The following ATG10 variants were observed in gnomAD, a reference collection of about 807,000 sequenced individuals.
ATG10 encodes the protein autophagy related 10.
ATG10 carries 30 observed loss-of-function variants against 32.1 expected under a neutral mutation model. The ratio of observed to expected loss-of-function variants is 0.94; its 90% CI spans 0.70 to 1.27. The LOEUF is 1.27. Ranked by LOEUF, ATG10 falls within the 50% of genes most tolerant of loss-of-function variation. The pLI, the probability that ATG10 is intolerant of heterozygous loss-of-function variation, is 0.00. For synonymous variants in ATG10, 87 were observed against 91.5 expected (o/e 0.95, Z 0.28); for missense variants, 233 against 262.3 (o/e 0.89, Z 0.77).
intron 3 of ATG10, among the ~76,000 whole-genome samples, chr5:82,139,568 GC>G (rs1766956898): frequency 7.0e-6 from 1 of 143,112 alleles, no homozygotes; most frequent in African/African-American, 2.6e-5. Flanking sequence ...TCTCTGCCCG[GC>G]CGCCCCGTCT....
At chr5:82,195,904 T>C (rs1453004386) in intron 5 of ATG10, among the ~76,000 whole-genome samples, 2 of 152,220 alleles carry the variant, frequency 1.3e-5, no homozygotes, top group African/African-American at 4.8e-5. Flanking sequence ...AACCTAGCAG[T>C]AGAATTTCTG....
chr5:82,009,373 T>TTA (rs781090307), intron 2 of ATG10, among the ~76,000 whole-genome samples: 1 of 151,892 alleles, frequency 6.6e-6, no homozygotes, highest in Non-Finnish European at 1.5e-5. Flanking sequence ...AAGAGTTTTC[T>TTA]TATATATATA....
chr5:82,195,122 C>T (rs1374725569), intron 5 of ATG10, among the ~76,000 whole-genome samples: 1 of 152,174 alleles, frequency 6.6e-6, no homozygotes, highest in African/African-American at 2.4e-5. Context: ...CTGCTGGTCC[C>T]ATGAACTTGG....
chr5:82,191,384 CTTTGTAAAATTCATTATA>C (rs1341023421), intron 5 of ATG10, among the ~76,000 whole-genome samples: 3 of 152,160 alleles, frequency 2.0e-5, no homozygotes, highest in Non-Finnish European at 4.4e-5. Context: ...CTGGGCTTTT[CTTTGTAAAATTCATTATA>C]TTTGCATAAA....
At position 82,014,642 on chromosome 5, in the gene ATG10, G is replaced by A. The variant is rs575272078; in HGVS notation, c.108+26964G>A. On this transcript the variant is annotated intron_variant, in intron 2 of 7. Transcript: ENST00000282185. Reference sequence around the variant, plus strand: ...TTAAAGTCTGTTTTATCCGAGACTAGGATTGCAATCCCTGCCTGTTTTTGT... The same window carrying A: ...TTAAAGTCTGTTTTATCCGAGACTAAGATTGCAATCCCTGCCTGTTTTTGT... Among the ~76,000 whole-genome samples, 5 of 152,142 alleles carry A rather than the reference G, an allele frequency of 3.3e-5. No individual in the cohort carries two copies. In the South Asian group the frequency reaches 6.2e-4, roughly 19 times the overall value.
Position 82,132,670 on chromosome 5 carries a change from T to C in ATG10, c.217-31729T>C, listed in dbSNP as rs138362415. Among the ~76,000 whole-genome samples the C allele has an allele frequency of 7.6e-3, 1,149 of 152,130 alleles. 18 individuals are homozygous for C. The highest frequency in any genetic ancestry group is 0.026 in the African/African-American group (1,071 of 41,516). On this transcript the variant is annotated intron_variant, in intron 3 of 7. Transcript: ENST00000282185. ...AGTCTATCATTGATGGGCATTTGGG[T>C]TGGTTCCAAGTCTTTGCTATTGTGA...
chr5:82,016,429 G>T (rs1003227195), intron 2 of ATG10, among the ~76,000 whole-genome samples: 1 of 152,078 alleles, frequency 6.6e-6, no homozygotes. Flanking sequence ...GTGCTGTTCT[G>T]TTGGTCTATA....
intron 1 of ATG10, among the ~76,000 whole-genome samples, chr5:81,984,254 G>A (rs538828032): frequency 3.4e-4 from 52 of 152,358 alleles, no homozygotes; most frequent in East Asian, 3.3e-3. Context: ...GCGAAACCCC[G>A]TCTCCACCAA....
intron 2 of ATG10, among the ~76,000 whole-genome samples, chr5:82,014,164 T>G (rs1762209767): frequency 6.6e-6 from 1 of 152,232 alleles, no homozygotes; most frequent in Non-Finnish European, 1.5e-5. Context: ...AATCCTGAGT[T>G]CTAGTTTGAT....
At chr5:82,026,271 T>C (rs534916243) in intron 2 of ATG10, among the ~76,000 whole-genome samples, 83 of 152,352 alleles carry the variant, frequency 5.4e-4, no homozygotes, top group African/African-American at 1.9e-3. Flanking sequence ...TCACTTAGCA[T>C]AATGCCTTCA....
intron 3 of ATG10, among the ~76,000 whole-genome samples, chr5:82,130,659 C>T (rs1766481327): frequency 6.6e-6 from 1 of 152,040 alleles, no homozygotes; most frequent in Non-Finnish European, 1.5e-5. Context: ...TTTGGCTAGC[C>T]CTCCGTGGGC....
At chr5:82,120,243 CA>C (rs1765993724) in intron 3 of ATG10, among the ~76,000 whole-genome samples, 1 of 152,074 alleles carries the variant, frequency 6.6e-6, no homozygotes, top group Non-Finnish European at 1.5e-5. Flanking sequence ...CAATTATATG[CA>C]AAATCTTGAG....
chr5:82,124,606 T>A (rs184891353), intron 3 of ATG10, among the ~76,000 whole-genome samples: 9 of 152,054 alleles, frequency 5.9e-5, no homozygotes, highest in African/African-American at 2.2e-4. Context: ...GCTTTATCCA[T>A]GTCCCTACAA....
intron 3 of ATG10, among the ~76,000 whole-genome samples, chr5:82,106,206 AAG>A (rs1303743345): frequency 1.3e-5 from 2 of 152,170 alleles, no homozygotes; most frequent in Non-Finnish European, 2.9e-5. Flanking sequence ...AAGTAAGAAA[AAG>A]AGCTATTTTT....
At chr5:82,250,679 A>G (rs551402582) in intron 5 of ATG10, among the ~76,000 whole-genome samples, 125 of 152,240 alleles carry the variant, frequency 8.2e-4, no homozygotes, top group African/African-American at 2.8e-3. Context: ...AATTATCTGG[A>G]TTATCTTATT....
chr5:82,141,697 G>A (rs563286250), intron 3 of ATG10, among the ~76,000 whole-genome samples: 11 of 152,088 alleles, frequency 7.2e-5, no homozygotes, highest in Non-Finnish European at 1.6e-4. Context: ...TTATACGTAG[G>A]ATTTAGGAAT....
At chr5:82,103,436 A>G (rs1250505431) in intron 3 of ATG10, among the ~76,000 whole-genome samples, 2 of 152,074 alleles carry the variant, frequency 1.3e-5, no homozygotes, top group South Asian at 2.1e-4. Flanking sequence ...CTGTGCTTGC[A>G]GTTTTGGGAT....
At chr5:82,077,854 T>C (rs921011515) in intron 3 of ATG10, among the ~76,000 whole-genome samples, 2 of 152,234 alleles carry the variant, frequency 1.3e-5, no homozygotes, top group African/African-American at 4.8e-5. Context: ...ACTTCATAGA[T>C]TTTGCACTTG....
At chr5:82,007,751 G>A (rs1762023655) in intron 2 of ATG10, among the ~76,000 whole-genome samples, 1 of 152,038 alleles carries the variant, frequency 6.6e-6, no homozygotes, top group Non-Finnish European at 1.5e-5. Flanking sequence ...CACTGTGACA[G>A]GCTGGAATTC....
Sources: gnomAD v4.1 joint callset for allele counts (sites outside exome capture counted in the v4.1 genomes callset) on GRCh38, gnomAD v4.1.1 for gene constraint, MANE v1.5 for transcripts, NCBI Gene and HGNC (gene_info 2026-07-23, HGNC 2026-07-21) for gene names.